The following RRH variants were observed in gnomAD, a reference collection of about 807,000 sequenced individuals.
RRH encodes the protein retinal pigment epithelium-derived rhodopsin homolog.
RRH carries 36 observed loss-of-function variants against 33.1 expected under a neutral mutation model. The ratio of observed to expected loss-of-function variants is 1.09; its 90% confidence interval spans 0.83 to 1.44. RRH has a LOEUF of 1.44. Among genes scored for constraint, RRH ranks in the 40% most tolerant of loss-of-function variants. RRH has a pLI of 0.00. For missense variants in RRH, 393 were observed against 420.2 expected, an observed-to-expected ratio of 0.94 and a Z score of 0.57; for synonymous variants, 124 against 140.2, an observed-to-expected ratio of 0.88 and a Z score of 0.82.
At chr4:109,843,251 C>A (rs964610409) in intron 6 of RRH, among the ~76,000 whole-genome samples, 4 of 152,220 alleles carry the variant, frequency 2.6e-5, no homozygotes, top group Non-Finnish European at 5.9e-5. Flanking sequence ...CTCTCTCTGT[C>A]ACCCAGGCTG....
Position 109,842,130 on chromosome 4 carries a change from G to A in RRH, c.721-339G>A, listed in dbSNP as rs1187339025. ...ATAGCATAATGATGTGAAGTGGGGTGGGGTGGGTTTTTATCTGTCTTTCAT... is the reference window on the plus strand; with the variant it reads ...ATAGCATAATGATGTGAAGTGGGGTAGGGTGGGTTTTTATCTGTCTTTCAT... On this transcript the variant is annotated intron_variant, in intron 5 of 6. Transcript: ENST00000317735. Among the ~76,000 whole-genome samples, 4 of 152,086 alleles carry A rather than the reference G, an allele frequency of 2.6e-5. No homozygotes were observed. In the South Asian group the frequency reaches 8.3e-4, roughly 32 times the overall value.
chr4:109,828,806 A>G (rs1275306960), intron 1 of RRH, among the ~76,000 whole-genome samples: 1 of 152,098 alleles, frequency 6.6e-6, no homozygotes, highest in Non-Finnish European at 1.5e-5. Context: ...TAAAACAAGG[A>G]TAAGAATAAG....
In RRH at chr4:109,842,498, G is replaced by T; in HGVS notation, c.750G>T (p.Leu250=). Residue 250 remains leucine (L), a synonymous_variant, in exon 6 of 7, where the codon CTG becomes CTT. Coordinates refer to ENST00000317735, the MANE Select transcript of RRH (RefSeq NM_006583.5). The part of the protein sequence containing the change: ...KMSVIMICMF[L]VAWSPYSIVC... The stretch of plus-strand genomic sequence containing the variant: ...CTGTGATCATGATCTGCATGTTTCT[G>T]GTGGCATGGTCCCCTTATTCCATCG... 2 of 1,613,910 alleles carry T rather than the reference G, an allele frequency of 1.2e-6. No homozygotes were observed. Among genetic ancestry groups the T allele is most frequent in the Non-Finnish European group, 1.7e-6 (2 of 1,179,956 alleles).
chr4:109,833,249 G>C lies in RRH; in HGVS notation c.217G>C (p.Gly73Arg), dbSNP rs753799124. The C allele has an allele frequency of 6.2e-7, 1 of 1,613,670 alleles. No homozygotes were observed. Among genetic ancestry groups the C allele is most frequent in the South Asian group, 1.1e-5 (1 of 91,072 alleles). Residue 73 changes from glycine (G) to arginine (R), a missense_variant, in exon 2 of 7, where the codon GGG becomes CGG. Transcript: ENST00000317735. ...TATTAACCTGGCTGTTACTGATATA[G>C]GGGTCAGTAGCATTGGCTATCCCAT... ...IIINLAVTDI[G>R]VSSIGYPMSA...
At chr4:109,834,400 G>C (rs1170321633) in intron 2 of RRH, among the ~76,000 whole-genome samples, 1 of 146,668 alleles carries the variant, frequency 6.8e-6, no homozygotes, top group Admixed American at 6.9e-5. Flanking sequence ...CGTGATCTCC[G>C]CTCACTGCAA....
rs1324102302 is a variant in RRH at position 109,828,139 on chromosome 4, G to A, written c.106+6G>A. ...AACTTACTTGATTATGGCAGGTATG[G>A]ATATTTAAGTAAGTTATTTTTCTTT... On this transcript the variant is annotated splice_donor_region_variant and intron_variant, in intron 1 of 6. Coordinates refer to ENST00000317735, the MANE Select transcript of RRH (RefSeq NM_006583.5). 6.4e-7 allele frequency: 1 copy of A among 1,570,396 alleles called. No individual in the cohort carries two copies. The highest frequency in any genetic ancestry group is 8.8e-7 in the Non-Finnish European group (1 of 1,140,896).
chr4:109,834,666 A>G (rs1011915052), intron 2 of RRH, among the ~76,000 whole-genome samples: 5 of 151,792 alleles, frequency 3.3e-5, no homozygotes, highest in African/African-American at 9.7e-5. Flanking sequence ...TCTGTCACAG[A>G]TAAGGCTTCA....
chr4:109,829,127 A>G (rs1344972813), intron 1 of RRH, among the ~76,000 whole-genome samples: 1 of 152,108 alleles, frequency 6.6e-6, no homozygotes, highest in Non-Finnish European at 1.5e-5. Flanking sequence ...ATTTTCAAAC[A>G]TTCAAAAGTA....
intron 5 of RRH, among the ~76,000 whole-genome samples, chr4:109,839,366 T>C (rs1262180893): frequency 6.6e-6 from 1 of 152,232 alleles, no homozygotes. Context: ...CCTCCCCCTG[T>C]TCCCAGCCTG....
intron 1 of RRH, 132 bp from the exon 2 acceptor site, chr4:109,833,007 C>A: frequency 1.4e-6 from 1 of 730,412 alleles, no homozygotes; most frequent in Middle Eastern, 3.6e-4. Flanking sequence ...TTAAGAACAG[C>A]AGGAGCTCTT....
chr4:109,833,877 A>G (rs2125892729), intron 2 of RRH, among the ~76,000 whole-genome samples: 1 of 152,352 alleles, frequency 6.6e-6, no homozygotes, highest in African/African-American at 2.4e-5. Context: ...CCTAAAAACT[A>G]TAGAGAATAA....
chr4:109,838,135 G>A (rs577075846), intron 5 of RRH, among the ~76,000 whole-genome samples: 1 of 151,830 alleles, frequency 6.6e-6, no homozygotes, highest in Admixed American at 6.5e-5. Flanking sequence ...TATTTTTGTT[G>A]GTCATCATCT....
At position 109,844,160 on chromosome 4, in the gene RRH, A is replaced by G. The variant is rs1229034247; in HGVS notation, c.977A>G (p.Asp326Gly). The G allele has an allele frequency of 6.2e-7, 1 of 1,613,132 alleles. No individual in the cohort carries two copies. The highest frequency in any genetic ancestry group is 1.3e-5 in the African/African-American group (1 of 74,912). ...CCTGTGACAAGTATTTTACCCATGG[A>G]TGTATCTCAAAACCCATTGGCTTCT... is the stretch of plus-strand genomic sequence containing the variant. ...TMPVTSILPM[D>G]VSQNPLASGR... Residue 326 changes from aspartate (D) to glycine (G), a missense_variant, in exon 7 of 7, where the codon GAT becomes GGT. Transcript: ENST00000317735.
chr4:109,837,664 G>T, intron 5 of RRH, 59 bp downstream of exon 5: 4 of 1,371,502 alleles, frequency 2.9e-6, no homozygotes, highest in Non-Finnish European at 4.1e-6. Context: ...ACTCATAGTT[G>T]AAAGAGTCCC....
chr4:109,833,796 T>C (rs1733814964), intron 2 of RRH, among the ~76,000 whole-genome samples: 1 of 152,042 alleles, frequency 6.6e-6, no homozygotes, highest in Non-Finnish European at 1.5e-5. Flanking sequence ...AATGAGTTAA[T>C]ATTAATTTGC....
At chr4:109,829,452 A>G (rs1263019356) in intron 1 of RRH, among the ~76,000 whole-genome samples, 1 of 151,626 alleles carries the variant, frequency 6.6e-6, no homozygotes, top group Non-Finnish European at 1.5e-5. Flanking sequence ...AACCAAAACT[A>G]TCCTTTTTTG....
chr4:109,836,057 A>T lies in RRH; in HGVS notation c.448A>T (p.Ile150Phe), dbSNP rs749159602. 7 of 1,614,218 alleles carry T rather than the reference A, an allele frequency of 4.3e-6. No individual in the cohort carries two copies. The South Asian group carries it at 7.7e-5, about 18-fold the overall frequency. ...TYIGLILGAWINGLFWALMPI... is the reference protein window; with the variant it reads ...TYIGLILGAWFNGLFWALMPI... ...CATCGGCTTGATTCTGGGAGCCTGG[A>T]TCAATGGCCTGTTTTGGGCTTTGAT... Residue 150 changes from isoleucine (I) to phenylalanine (F), a missense_variant, in exon 4 of 7, where the codon ATC becomes TTC. Physicochemically the swap from Ile to Phe is conservative, Grantham distance 21. Coordinates refer to ENST00000317735, the MANE Select transcript of RRH (RefSeq NM_006583.5).
At chr4:109,835,896 T>C (rs2125893185) in intron 3 of RRH, 111 bp from the exon 4 acceptor site, 1 of 1,369,352 alleles carries the variant, frequency 7.3e-7, no homozygotes, top group Non-Finnish European at 1.0e-6. Flanking sequence ...CTAAGGCCAA[T>C]CAAAGTGCTC....
In RRH at chr4:109,835,994, T is replaced by C. The variant is rs1427516455; in HGVS notation, c.398-13T>C. ...TGGCAAATGTTGCTAATATTTCCTG[T>C]GCTTGATAATAGGGAGAAGAATGAC... On this transcript the variant is annotated splice_polypyrimidine_tract_variant and intron_variant, in intron 3 of 6. Transcript: ENST00000317735. 6.2e-7 allele frequency: 1 copy of C among 1,614,164 alleles called. No homozygotes were observed. Among genetic ancestry groups the C allele is most frequent in the East Asian group, 2.2e-5 (1 of 44,874 alleles).
Sources: allele counts gnomAD v4.1 joint callset (sites outside exome capture counted in the v4.1 genomes callset), GRCh38; gene constraint gnomAD v4.1.1; transcripts MANE v1.5; gene names NCBI Gene and HGNC (gene_info 2026-07-23, HGNC 2026-07-21).